The following RIMS1 variants were observed in gnomAD, a reference collection of about 807,000 sequenced individuals.
RIMS1 encodes regulating synaptic membrane exocytosis protein 1.
A neutral mutation model predicts 214.1 loss-of-function variants in RIMS1; 83 were observed. That is an observed-to-expected ratio of 0.39 (90% CI 0.32 to 0.47). RIMS1 has a LOEUF of 0.47. Ranked by LOEUF, RIMS1 falls within the 20% of genes least tolerant of loss-of-function variation. The pLI is 0.99. For synonymous variants in RIMS1, 793 were observed against 786.8 expected, an observed-to-expected ratio of 1.01 and a Z score of -0.13; for missense variants, 2,050 against 2,161.8, an observed-to-expected ratio of 0.95 and a Z score of 1.03.
intron 1 of RIMS1, among the ~76,000 whole-genome samples, chr6:71,910,174 A>G: frequency 6.6e-6 from 1 of 152,154 alleles, no homozygotes; most frequent in East Asian, 1.9e-4. Flanking sequence ...GTCAGGAGAA[A>G]ATTAAAAATG....
chr6:72,330,982 C>G (rs2096637924), intron 28 of RIMS1, among the ~76,000 whole-genome samples: 1 of 151,648 alleles, frequency 6.6e-6, no homozygotes, highest in South Asian at 2.1e-4. Context: ...TTCAGCCAAT[C>G]ATTTTTCATA....
intron 1 of RIMS1, among the ~76,000 whole-genome samples, chr6:71,949,098 A>T (rs777020349): frequency 2.6e-5 from 4 of 152,178 alleles, no homozygotes; most frequent in African/African-American, 4.8e-5. Context: ...TTGTAGTATG[A>T]GAATTTGTCC....
At chr6:72,114,280 T>G (rs1192833955) in intron 4 of RIMS1, among the ~76,000 whole-genome samples, 1 of 152,058 alleles carries the variant, frequency 6.6e-6, no homozygotes, top group Admixed American at 6.6e-5. Context: ...TATGCATTAT[T>G]TCATGGAATT....
chr6:72,331,677 T>C (rs2096663223), intron 28 of RIMS1, among the ~76,000 whole-genome samples: 1 of 151,738 alleles, frequency 6.6e-6, no homozygotes, highest in Non-Finnish European at 1.5e-5. Context: ...GGAATATAAA[T>C]CCCACAGGAA....
At chr6:72,221,547 T>C (rs894207347) in intron 6 of RIMS1, among the ~76,000 whole-genome samples, 3 of 151,986 alleles carry the variant, frequency 2.0e-5, no homozygotes, top group Non-Finnish European at 4.4e-5. Flanking sequence ...TATCACAAAT[T>C]ATTTACAAAT....
At chr6:72,339,639 A>T (rs1378547940) in intron 29 of RIMS1, among the ~76,000 whole-genome samples, 2 of 152,016 alleles carry the variant, frequency 1.3e-5, no homozygotes, top group African/African-American at 2.4e-5. Context: ...GCTGCATAGT[A>T]TTCCATGGTG....
At chr6:72,371,266 A>G (rs925056175) in intron 29 of RIMS1, among the ~76,000 whole-genome samples, 1 of 152,170 alleles carries the variant, frequency 6.6e-6, no homozygotes, top group Non-Finnish European at 1.5e-5. Context: ...CCCCCCAGCC[A>G]TATGCTATCA....
In RIMS1 at chr6:72,264,988, C is replaced by A; in HGVS notation, c.3130C>A (p.His1044Asn). The change falls in exon 20 of 34, where the codon CAC (histidine) becomes AAC (asparagine). Residue 1044 changes from histidine (H) to asparagine (N), a missense_variant. Coordinates refer to ENST00000521978, the MANE Select transcript of RIMS1 (RefSeq NM_014989.7). ...GCTACGTTCCAGACATCTTGTTAGGCACTATAAAACATTACCTCCCAAGAT... is the reference window on the plus strand; with the variant it reads ...GCTACGTTCCAGACATCTTGTTAGGAACTATAAAACATTACCTCCCAAGAT... ...CLHTTRHLVR[H>N]YKTLPPKMPL... The A allele has an allele frequency of 6.3e-7, 1 of 1,590,738 alleles. No individual in the cohort carries two copies. Among genetic ancestry groups the A allele is most frequent in the Non-Finnish European group, 8.6e-7 (1 of 1,165,974 alleles).
chr6:72,113,694 T>G (rs1283631997), intron 4 of RIMS1, among the ~76,000 whole-genome samples: 2 of 152,136 alleles, frequency 1.3e-5, no homozygotes, highest in African/African-American at 4.8e-5. Context: ...ACCCCAAGTG[T>G]TTTTTCTTCT....
chr6:72,155,680 T>C (rs904741832), intron 4 of RIMS1, among the ~76,000 whole-genome samples: 1 of 140,516 alleles, frequency 7.1e-6, no homozygotes, highest in African/African-American at 2.5e-5. Flanking sequence ...AAATTCCCAT[T>C]TTTTAAAACC....
chr6:72,167,461 G>A lies in RIMS1; in HGVS notation c.472-12114G>A, dbSNP rs908326182. The stretch of plus-strand genomic sequence containing the variant: ...GATCTGATAAAGTGAGTTCAGAAGC[G>A]AATGTGGTTCTCCTCCCTCTTTTTA... On this transcript the variant is annotated intron_variant, in intron 4 of 33. Coordinates refer to ENST00000521978, the MANE Select transcript of RIMS1 (RefSeq NM_014989.7). Among the ~76,000 whole-genome samples the A allele has an allele frequency of 7.2e-5, 11 of 152,054 alleles. No individual in the cohort carries two copies. The East Asian group carries it at 1.2e-3, about 16-fold the overall frequency.
chr6:72,118,599 A>G (rs1245394432), intron 4 of RIMS1, among the ~76,000 whole-genome samples: 1 of 151,794 alleles, frequency 6.6e-6, no homozygotes, highest in Non-Finnish European at 1.5e-5. Flanking sequence ...AACTAAATCC[A>G]ACAGCATATC....
intron 29 of RIMS1, among the ~76,000 whole-genome samples, chr6:72,334,064 TA>T (rs757615466): frequency 6.6e-6 from 1 of 151,782 alleles, no homozygotes; most frequent in Non-Finnish European, 1.5e-5. Context: ...ATTTTTTAAT[TA>T]AAAAAATTAA....
At chr6:72,059,561 A>G (rs887228695) in intron 2 of RIMS1, among the ~76,000 whole-genome samples, 3 of 152,100 alleles carry the variant, frequency 2.0e-5, no homozygotes, top group Non-Finnish European at 4.4e-5. Flanking sequence ...CTTCTAAATC[A>G]TATTGGTTTA....
chr6:72,065,098 T>G (rs1184815044), intron 2 of RIMS1, among the ~76,000 whole-genome samples: 3 of 152,198 alleles, frequency 2.0e-5, no homozygotes, highest in Admixed American at 1.3e-4. Flanking sequence ...TATCTGTGAT[T>G]AGAGAACATG....
intron 29 of RIMS1, among the ~76,000 whole-genome samples, chr6:72,386,731 CTTTT>C (rs35080577): frequency 1.8e-5 from 2 of 109,876 alleles, no homozygotes; most frequent in Admixed American, 1.9e-4. Context: ...CACTGTCTTT[CTTTT>C]TTTTTTTTTT....
intron 2 of RIMS1, among the ~76,000 whole-genome samples, chr6:72,069,074 G>A (rs1830006055): frequency 1.3e-5 from 2 of 152,116 alleles, no homozygotes. Flanking sequence ...AAGTACACTG[G>A]ATGTACAGTG....
intron 2 of RIMS1, among the ~76,000 whole-genome samples, chr6:72,009,746 G>C (rs1055018694): frequency 6.6e-6 from 1 of 152,056 alleles, no homozygotes; most frequent in Non-Finnish European, 1.5e-5. Flanking sequence ...TAAATTCCTC[G>C]ACACATACAC....
chr6:72,400,443 G>T (rs1429208082), intron 33 of RIMS1, 53 bp from the exon 34 acceptor site: 6 of 1,516,150 alleles, frequency 4.0e-6, no homozygotes, highest in Non-Finnish European at 4.6e-6. Flanking sequence ...TGAGCCCTTC[G>T]AATGTGAAGC....
Sources: gnomAD v4.1 joint callset for allele counts (sites outside exome capture counted in the v4.1 genomes callset) on GRCh38, gnomAD v4.1.1 for gene constraint, MANE v1.5 for transcripts, NCBI Gene and HGNC (gene_info 2026-07-23, HGNC 2026-07-21) for gene names.